Variants in GALNT18 observed in about 807,000 individuals in gnomAD.
The protein encoded by GALNT18 is GalNAc-transferase 18.
Under a neutral mutation model 69.5 loss-of-function variants are expected in GALNT18, and 44 were observed. That is an observed-to-expected ratio of 0.63 (90% CI 0.50 to 0.81). The LOEUF is 0.81. Among genes scored for constraint, GALNT18 ranks in the 40% least tolerant of loss-of-function variants. GALNT18 has a pLI of 0.00. For synonymous variants in GALNT18, 364 were observed against 318.2 expected, an observed-to-expected ratio of 1.14 and a Z score of -1.53; for missense variants, 715 against 810.0, an observed-to-expected ratio of 0.88 and a Z score of 1.42.
intron 9 of GALNT18, among the ~76,000 whole-genome samples, chr11:11,304,878 C>T (rs1849554161): frequency 6.6e-6 from 1 of 152,150 alleles, no homozygotes; most frequent in Admixed American, 6.5e-5. Context: ...GCCCCTTTGG[C>T]CCTAGAAAAA....
intron 3 of GALNT18, among the ~76,000 whole-genome samples, chr11:11,407,985 G>A (rs2009422): frequency 0.098 from 14,873 of 152,274 alleles, 773 homozygotes; most frequent in Admixed American, 0.15. Context: ...TGTCTAAGAT[G>A]TAGCCCTCTC....
chr11:11,467,734 G>T (rs544261343), intron 1 of GALNT18, among the ~76,000 whole-genome samples: 1 of 152,192 alleles, frequency 6.6e-6, no homozygotes, highest in Admixed American at 6.5e-5. Flanking sequence ...GCCCAACCCT[G>T]GTTGAGTCAA....
Position 11,616,469 on chromosome 11 carries a change from T to G in GALNT18, c.235+4890A>C, listed in dbSNP as rs970645023. Among the ~76,000 whole-genome samples, 2 of 152,082 alleles carry G rather than the reference T, an allele frequency of 1.3e-5. No individual in the cohort carries two copies. The highest frequency in any genetic ancestry group is 4.8e-5 in the African/African-American group (2 of 41,392). ...CTGGAAAGACATCCTTAAACATAAT[T>G]CAAAAAACAGTGAGGTGAAGATGTT... On this transcript the variant is annotated intron_variant, in intron 1 of 10. Transcript: ENST00000227756. This position sits in a 1 kb window ranked among gnomAD's most constrained non-coding sequence, Gnocchi z 4.4.
chr11:11,356,383 A>T lies in GALNT18; in HGVS notation c.1093-15379T>A, dbSNP rs1016839382. On this transcript the variant is annotated intron_variant, in intron 6 of 10. Coordinates refer to ENST00000227756, the MANE Select transcript of GALNT18 (RefSeq NM_198516.3). This position sits in a 1 kb window ranked among gnomAD's most constrained non-coding sequence, Gnocchi z 4.4. ...GGGTCTGATACCGACCAGCATGCAGACTCAGCTAAAGAAGAACAAAGAACA... is the reference window on the plus strand; with the variant it reads ...GGGTCTGATACCGACCAGCATGCAGTCTCAGCTAAAGAAGAACAAAGAACA... Among the ~76,000 whole-genome samples, 6 of 152,214 alleles carry T rather than the reference A, an allele frequency of 3.9e-5. No homozygotes were observed. Among genetic ancestry groups the T allele is most frequent in the African/African-American group, 1.4e-4 (6 of 41,458 alleles).
In GALNT18 at chr11:11,490,221, T is replaced by A. The variant is rs868092575; in HGVS notation, c.236-41285A>T. ...CTCATTCTCTCTCTCTCTCTCTCTC[T>A]CTCTCTCTCTCTAACACACACACAC... On this transcript the variant is annotated intron_variant, in intron 1 of 10. Coordinates refer to ENST00000227756, the MANE Select transcript of GALNT18 (RefSeq NM_198516.3). 3.7e-3 allele frequency among the ~76,000 whole-genome samples: 289 copies of A among 78,464 alleles called. 3 individuals carry two copies. Among genetic ancestry groups the A allele is most frequent in the African/African-American group, 0.013 (274 of 20,328 alleles). 51.5% of individuals were successfully genotyped at this position (78,464 alleles called of 152,430 possible).
chr11:11,469,570 C>A lies in GALNT18; in HGVS notation c.236-20634G>T, dbSNP rs1037576717. On this transcript the variant is annotated intron_variant, in intron 1 of 10. Transcript: ENST00000227756. The surrounding 1 kb of genome is among the most constrained non-coding windows in gnomAD (Gnocchi z 4.2). ...TGGTGATCAACCTCTGACTTGTTTT[C>A]AGTTTGATCCATGAGGGCCATTTAG... 6.6e-6 allele frequency among the ~76,000 whole-genome samples: 1 copy of A among 152,172 alleles called. No individual in the cohort carries two copies. The highest frequency in any genetic ancestry group is 1.5e-5 in the Non-Finnish European group (1 of 68,040).
At chr11:11,311,352 A>T (rs1480125950) in intron 9 of GALNT18, among the ~76,000 whole-genome samples, 1 of 152,092 alleles carries the variant, frequency 6.6e-6, no homozygotes. Flanking sequence ...CATTAGGGAG[A>T]TGGAACTCTT....
chr11:11,536,854 T>C (rs1857784444), intron 1 of GALNT18, among the ~76,000 whole-genome samples: 1 of 152,214 alleles, frequency 6.6e-6, no homozygotes, highest in Non-Finnish European at 1.5e-5. Flanking sequence ...CATAAAGTGG[T>C]GCTTCAAGGC....
rs894631498 is a variant in GALNT18, at chr11:11,415,952, T to C, written c.595+16669A>G. 6.6e-6 allele frequency among the ~76,000 whole-genome samples: 1 copy of C among 152,230 alleles called. No homozygotes were observed. The highest frequency in any genetic ancestry group is 1.5e-5 in the Non-Finnish European group (1 of 68,044). ...ACTCCAGAAAGATTAAACAGCAACC[T>C]TGAATGTTCTTTTCGGAGAAAATAA... On this transcript the variant is annotated intron_variant, in intron 3 of 10. Transcript: ENST00000227756. The surrounding 1 kb of genome is among the most constrained non-coding windows in gnomAD (Gnocchi z 4.1).
intron 1 of GALNT18, among the ~76,000 whole-genome samples, chr11:11,574,405 G>A (rs925586967): frequency 1.3e-5 from 2 of 152,182 alleles, no homozygotes; most frequent in African/African-American, 4.8e-5. Flanking sequence ...CATCTCCCTG[G>A]TCTGGACTTA....
intron 1 of GALNT18, among the ~76,000 whole-genome samples, chr11:11,547,850 C>G (rs914580058): frequency 3.3e-5 from 5 of 152,186 alleles, no homozygotes; most frequent in Non-Finnish European, 5.9e-5. Context: ...GCAGCCCTTC[C>G]AGCCTCTCAG....
In GALNT18 at chr11:11,606,718, G is replaced by C. The variant is rs1034289885; in HGVS notation, c.235+14641C>G. On this transcript the variant is annotated intron_variant, in intron 1 of 10. Transcript: ENST00000227756. This position sits in a 1 kb window ranked among gnomAD's most constrained non-coding sequence, Gnocchi z 5.4. The stretch of plus-strand genomic sequence containing the variant: ...GTTTCATCTGAGGACAAACAAGTAA[G>C]GATTTTCCTTCCTGGTGCACACGTT... 4.6e-5 allele frequency among the ~76,000 whole-genome samples: 7 copies of C among 152,156 alleles called. No homozygotes were observed. The highest frequency in any genetic ancestry group is 1.4e-4 in the African/African-American group (6 of 41,448).
intron 9 of GALNT18, among the ~76,000 whole-genome samples, chr11:11,316,908 T>A (rs1332478702): frequency 7.9e-5 from 12 of 152,224 alleles, no homozygotes; most frequent in Non-Finnish European, 1.6e-4. Context: ...AAGCTGCCTT[T>A]TTGTCTTGTA....
In GALNT18 at chr11:11,470,556, G is replaced by A. The variant is rs1476720850; in HGVS notation, c.236-21620C>T. On this transcript the variant is annotated intron_variant, in intron 1 of 10. Transcript: ENST00000227756. The surrounding 1 kb of genome is among the most constrained non-coding windows in gnomAD (Gnocchi z 4.8). ...AGAGGCTTGGGGATAGTGATAGGAT[G>A]ACTAATCGCTAGCTAATTTTGATCT... 1.3e-5 allele frequency among the ~76,000 whole-genome samples: 2 copies of A among 152,184 alleles called. No homozygotes were observed. Among genetic ancestry groups the A allele is most frequent in the Non-Finnish European group, 2.9e-5 (2 of 68,026 alleles).
At position 11,421,742 on chromosome 11, in the gene GALNT18, T is replaced by TCTCTGCAGAGTCTCTGCAGAGA. The variant is rs553343680; in HGVS notation, c.595+10878_595+10879insTCTCTGCAGAGACTCTGCAGAG. 3.7e-3 allele frequency among the ~76,000 whole-genome samples: 554 copies of TCTCTGCAGAGTCTCTGCAGAGA among 151,336 alleles called. 4 individuals carry two copies. Among genetic ancestry groups the TCTCTGCAGAGTCTCTGCAGAGA allele is most frequent in the African/African-American group, 0.013 (523 of 40,828 alleles). On this transcript the variant is annotated intron_variant, in intron 3 of 10. Coordinates refer to ENST00000227756, the MANE Select transcript of GALNT18 (RefSeq NM_198516.3). This position sits in a 1 kb window ranked among gnomAD's most constrained non-coding sequence, Gnocchi z 5.6. The stretch of plus-strand genomic sequence containing the variant: ...GAAGAAACAATACTTCTCTGCAGAG[T>TCTCTGCAGAGTCTCTGCAGAGA]CTCTGCAGAGTCTCTGCAGAGGTCA...
intron 9 of GALNT18, among the ~76,000 whole-genome samples, chr11:11,321,613 G>GT (rs1220143208): frequency 3.3e-5 from 5 of 151,948 alleles, no homozygotes; most frequent in African/African-American, 7.3e-5. Context: ...TTTCTGTTTT[G>GT]TTTTTTTGAG....
rs143978852 is a variant in GALNT18 at position 11,324,067 on chromosome 11, G to A, written c.1512+3019C>T. ...TGTGTGCTGTCTGTCTTTCCCATGTGAGGACACAGCAAGAAGGTGGCCATC... is the reference window on the plus strand; with the variant it reads ...TGTGTGCTGTCTGTCTTTCCCATGTAAGGACACAGCAAGAAGGTGGCCATC... On this transcript the variant is annotated intron_variant, in intron 9 of 10. Transcript: ENST00000227756. Among the ~76,000 whole-genome samples, 18 of 152,284 alleles carry A rather than the reference G, an allele frequency of 1.2e-4. No homozygotes were observed. In the East Asian group the frequency reaches 3.5e-3, roughly 29 times the overall value.
At chr11:11,433,198 G>A (rs1461286790) in intron 2 of GALNT18, among the ~76,000 whole-genome samples, 1 of 152,230 alleles carries the variant, frequency 6.6e-6, no homozygotes, top group African/African-American at 2.4e-5. Flanking sequence ...CCAGACCTCA[G>A]GCATCCAGCC....
chr11:11,506,221 C>T (rs935484233), intron 1 of GALNT18, among the ~76,000 whole-genome samples: 1 of 152,218 alleles, frequency 6.6e-6, no homozygotes, highest in Non-Finnish European at 1.5e-5. Context: ...AAAAAATGTA[C>T]AACCAATACA....
Sources: allele counts gnomAD v4.1 joint callset (sites outside exome capture counted in the v4.1 genomes callset), GRCh38; gene constraint gnomAD v4.1.1; non-coding constraint Gnocchi (gnomAD v3.1); transcripts MANE v1.5; gene names NCBI Gene and HGNC (gene_info 2026-07-23, HGNC 2026-07-21).